The following SEPTIN14 variants were observed in gnomAD, a reference collection of about 807,000 sequenced individuals.
SEPTIN14 encodes septin 14, also known as septin-14.
SEPTIN14 carries 40 observed loss-of-function variants against 53.6 expected under a neutral mutation model. The ratio of observed to expected loss-of-function variants is 0.75; its 90% CI spans 0.58 to 0.97. The LOEUF (loss-of-function observed/expected upper bound fraction) is 0.97. Among genes scored for constraint, SEPTIN14 ranks in the 50% least tolerant of loss-of-function variants. The probability of loss-of-function intolerance (pLI) is 0.00; values close to 1 mark genes in which losing one functional copy is unlikely to be tolerated. For synonymous variants in SEPTIN14, 138 were observed against 166.8 expected (o/e 0.83, Z 1.33); for missense variants, 471 against 508.2 (o/e 0.93, Z 0.70).
chr7:55,805,502 G>A, intron 8 of SEPTIN14, 112 bp from the exon 9 acceptor site: 3 of 687,038 alleles, frequency 4.4e-6, no homozygotes, highest in East Asian at 3.0e-5. Context: ...CGTCAGCCTG[G>A]GAGACAGAGT....
chr7:55,794,293 G>A lies in SEPTIN14; in HGVS notation c.*1620C>T, dbSNP rs1407913625. 1 of 152,076 alleles carries A rather than the reference G, an allele frequency of 6.6e-6. No homozygotes were observed. The highest frequency in any genetic ancestry group is 1.9e-4 in the East Asian group (1 of 5,196). 9.4% of individuals were successfully genotyped at this position (152,076 alleles called of 1,614,324 possible). A position where few individuals can be genotyped will look rare whatever the true frequency, so the allele number is the denominator to read the frequency against. On this transcript the variant is annotated 3_prime_UTR_variant, in exon 10 of 10. Transcript: ENST00000388975. ...TTCAGTTTCAGTTTTAATAACATTG[G>A]ATTAAGATGAAAGAATGAGAAGATA...
intron 6 of SEPTIN14, 60 bp downstream of exon 6, chr7:55,834,365 C>G (rs1789165351): frequency 3.1e-6 from 4 of 1,306,558 alleles, no homozygotes; most frequent in African/African-American, 1.5e-5. Flanking sequence ...AATTCTCACA[C>G]TGGATTCTGG....
chr7:55,854,718 A>G (rs1023245632), intron 2 of SEPTIN14, among the ~76,000 whole-genome samples: 3 of 151,968 alleles, frequency 2.0e-5, no homozygotes, highest in Non-Finnish European at 4.4e-5. Flanking sequence ...GTGAGCTACC[A>G]CACCCGGCCT....
intron 2 of SEPTIN14, among the ~76,000 whole-genome samples, chr7:55,848,455 C>G (rs1326604504): frequency 1.3e-5 from 2 of 151,868 alleles, no homozygotes; most frequent in African/African-American, 2.4e-5. Flanking sequence ...ATCCACTGCA[C>G]CTGGCTAATT....
intron 3 of SEPTIN14, 62 bp downstream of exon 3, chr7:55,846,455 T>C: frequency 7.8e-7 from 1 of 1,279,844 alleles, no homozygotes; most frequent in South Asian, 1.4e-5. Context: ...CTGCTTAAGA[T>C]AAGTTGAAAT....
chr7:55,849,965 C>G (rs1351144080), intron 2 of SEPTIN14, among the ~76,000 whole-genome samples: 1 of 151,896 alleles, frequency 6.6e-6, no homozygotes, highest in Non-Finnish European at 1.5e-5. Flanking sequence ...AAAAATGACA[C>G]AATGGGAAAT....
At chr7:55,849,614 C>G (rs1584272242) in intron 2 of SEPTIN14, among the ~76,000 whole-genome samples, 1 of 152,086 alleles carries the variant, frequency 6.6e-6, no homozygotes, top group East Asian at 1.9e-4. Flanking sequence ...GGCATGGTGG[C>G]ACACGCCTGT....
intron 9 of SEPTIN14, among the ~76,000 whole-genome samples, chr7:55,804,929 A>G (rs1788589000): frequency 6.6e-6 from 1 of 152,220 alleles, no homozygotes; most frequent in Non-Finnish European, 1.5e-5. Flanking sequence ...CATTAATAGC[A>G]TTAGACAGTA....
chr7:55,848,016 AG>A (rs1789442626), intron 2 of SEPTIN14, among the ~76,000 whole-genome samples: 1 of 152,240 alleles, frequency 6.6e-6, no homozygotes, highest in Admixed American at 6.5e-5. Flanking sequence ...CTATTTTATG[AG>A]GAATACAAAA....
chr7:55,804,068 G>A (rs1262217152), intron 9 of SEPTIN14, among the ~76,000 whole-genome samples: 26 of 145,866 alleles, frequency 1.8e-4, no homozygotes, highest in Non-Finnish European at 3.1e-4. Flanking sequence ...CCCAGGAGGC[G>A]GAGCTTGCGG....
At chr7:55,818,143 A>G (rs1788827399) in intron 7 of SEPTIN14, among the ~76,000 whole-genome samples, 2 of 152,264 alleles carry the variant, frequency 1.3e-5, no homozygotes, top group East Asian at 3.9e-4. Context: ...TATGCTTAAC[A>G]AATTTTAAAT....
At chr7:55,821,743 T>A (rs930438633) in intron 6 of SEPTIN14, among the ~76,000 whole-genome samples, 4 of 152,198 alleles carry the variant, frequency 2.6e-5, no homozygotes, top group African/African-American at 9.6e-5. Context: ...TTTACAAATA[T>A]CTAAGTAAGA....
rs530929653 is a variant in SEPTIN14 at position 55,798,134 on chromosome 7, T to C, written c.1120-2042A>G. On this transcript the variant is annotated intron_variant, in intron 9 of 9. Transcript: ENST00000388975. ...AACGTGGAACCTCGCTCTTTGGCTGTGTTCCCCTGGTACTCCATCTCCTTC... is the reference window on the plus strand; with the variant it reads ...AACGTGGAACCTCGCTCTTTGGCTGCGTTCCCCTGGTACTCCATCTCCTTC... The C allele has an allele frequency of 1.2e-3, 247 of 197,824 alleles. 2 individuals are homozygous for C. Among genetic ancestry groups the C allele is most frequent in the Non-Finnish European group, 2.0e-3 (192 of 94,956 alleles). The allele number at this position is 197,824 out of a possible 1,614,324, so 12.3% of individuals were successfully genotyped here.
At chr7:55,822,889 C>T (rs1199366872) in intron 6 of SEPTIN14, among the ~76,000 whole-genome samples, 1 of 147,908 alleles carries the variant, frequency 6.8e-6, no homozygotes, top group East Asian at 2.0e-4. Context: ...AGATAAGCTA[C>T]AAGTCTGCCT....
At chr7:55,848,032 T>C (rs1262667184) in intron 2 of SEPTIN14, among the ~76,000 whole-genome samples, 2 of 152,202 alleles carry the variant, frequency 1.3e-5, no homozygotes, top group Non-Finnish European at 2.9e-5. Flanking sequence ...ACAAAATACC[T>C]TTTTATTTAA....
chr7:55,830,752 C>T (rs1434247039), intron 6 of SEPTIN14, among the ~76,000 whole-genome samples: 1 of 151,782 alleles, frequency 6.6e-6, no homozygotes, highest in African/African-American at 2.4e-5. Context: ...AAACATACAA[C>T]CTCCTAAGAC....
chr7:55,857,852 G>A, intron 2 of SEPTIN14, among the ~76,000 whole-genome samples: 1 of 152,034 alleles, frequency 6.6e-6, no homozygotes, highest in African/African-American at 2.4e-5. Context: ...CTCCCAAAGT[G>A]CTGGGATTAC....
At chr7:55,857,406 GAGAAGAGAA>G (rs1396770198) in intron 2 of SEPTIN14, among the ~76,000 whole-genome samples, 3 of 140,008 alleles carry the variant, frequency 2.1e-5, no homozygotes, top group Non-Finnish European at 4.6e-5. Flanking sequence ...GAGAAGAGAA[GAGAAGAGAA>G]AGAAGAGAGA....
rs769797651 is a variant in SEPTIN14 at position 55,796,078 on chromosome 7, G to A, written c.1134C>T (p.Phe378=). 22 of 1,523,670 alleles carry A rather than the reference G, an allele frequency of 1.4e-5. No homozygotes were observed. The highest frequency in any genetic ancestry group is 2.2e-5 in the East Asian group (1 of 44,538). 94.4% of individuals were successfully genotyped at this position (1,523,670 alleles called of 1,614,324 possible). The part of the protein sequence containing the change: ...KEAEKELQDK[F]EHLKMIQQEE... ...CCTGTTGAATCATTTTAAGATGCTC[G>A]AACTTGTCCTGCAGCTGTGAAACCA... Residue 378 remains phenylalanine, a synonymous_variant, in exon 10 of 10, where the codon TTC becomes TTT. Transcript: ENST00000388975.
Sources: allele counts gnomAD v4.1 joint callset (sites outside exome capture counted in the v4.1 genomes callset), GRCh38; gene constraint gnomAD v4.1.1; transcripts MANE v1.5; gene names NCBI Gene and HGNC (gene_info 2026-07-23, HGNC 2026-07-21).